Variants in LAMA2 observed in about 807,000 individuals in gnomAD.
LAMA2 encodes the protein laminin subunit alpha-2.
LAMA2 carries 269 observed loss-of-function variants against 364.8 expected under a neutral mutation model. That is an observed-to-expected ratio of 0.74 (90% CI 0.67 to 0.82). The LOEUF (loss-of-function observed/expected upper bound fraction) is 0.82. Ranked by LOEUF, LAMA2 falls within the 40% of genes least tolerant of loss-of-function variation. The pLI is 0.00. For missense variants in LAMA2, 3,807 were observed against 3,873.2 expected, an observed-to-expected ratio of 0.98 and a Z score of 0.45; for synonymous variants, 1,379 against 1,370.6, an observed-to-expected ratio of 1.01 and a Z score of -0.14.
At chr6:129,166,103 A>T (rs1430571855) in intron 9 of LAMA2, among the ~76,000 whole-genome samples, 1 of 152,234 alleles carries the variant, frequency 6.6e-6, no homozygotes, top group Non-Finnish European at 1.5e-5. Context: ...GAACTCACAC[A>T]CTGAGATGTA....
chr6:128,918,020 T>A (rs578169681), intron 1 of LAMA2, among the ~76,000 whole-genome samples: 26 of 152,210 alleles, frequency 1.7e-4, no homozygotes, highest in African/African-American at 6.0e-4. Flanking sequence ...CATGAGCCAC[T>A]GCACCTGGCT....
chr6:129,271,173 G>A (rs1056395509), intron 17 of LAMA2, among the ~76,000 whole-genome samples: 3 of 151,982 alleles, frequency 2.0e-5, no homozygotes, highest in Admixed American at 1.3e-4. Flanking sequence ...TGGGCAAGTC[G>A]TAAACCTCTC....
intron 4 of LAMA2, among the ~76,000 whole-genome samples, chr6:129,131,690 A>C (rs112440345): frequency 5.3e-5 from 8 of 152,228 alleles, no homozygotes; most frequent in Non-Finnish European, 1.2e-4. Flanking sequence ...GATGATTAGG[A>C]TCCAACTCTG....
At chr6:129,192,043 A>T (rs185990368) in intron 11 of LAMA2, among the ~76,000 whole-genome samples, 52 of 152,336 alleles carry the variant, frequency 3.4e-4, no homozygotes, top group African/African-American at 1.3e-3. Context: ...TCCCCACAGC[A>T]CTTCTGACCC....
intron 1 of LAMA2, among the ~76,000 whole-genome samples, chr6:128,986,637 A>G (rs1016098477): frequency 1.3e-5 from 2 of 152,126 alleles, no homozygotes; most frequent in Admixed American, 1.3e-4. Flanking sequence ...ATCATATACA[A>G]CATAGTGGCT....
chr6:129,074,831 T>C (rs1773529526), intron 3 of LAMA2, among the ~76,000 whole-genome samples: 1 of 152,196 alleles, frequency 6.6e-6, no homozygotes, highest in African/African-American at 2.4e-5. Flanking sequence ...GAAATTGGCA[T>C]ATAAAGTAGG....
At chr6:129,440,696 C>A (rs1181905844) in intron 42 of LAMA2, 120 bp from the exon 43 acceptor site, 3 of 883,976 alleles carry the variant, frequency 3.4e-6, no homozygotes, top group East Asian at 4.9e-5. Flanking sequence ...CAAAGTTCAG[C>A]CTTTTCCCTT....
chr6:128,986,593 CTATA>C (rs75953785), intron 1 of LAMA2, among the ~76,000 whole-genome samples: 58 of 152,116 alleles, frequency 3.8e-4, no homozygotes, highest in Non-Finnish European at 7.1e-4. Context: ...TCATAGCTCT[CTATA>C]TATCATTTCA....
At chr6:129,211,923 TA>T (rs943290187) in intron 12 of LAMA2, among the ~76,000 whole-genome samples, 196 of 152,308 alleles carry the variant, frequency 1.3e-3, no homozygotes, top group African/African-American at 4.6e-3. Context: ...CTTAGGAACT[TA>T]ATAATTCTTT....
intron 35 of LAMA2, among the ~76,000 whole-genome samples, chr6:129,384,450 A>G (rs1199637410): frequency 6.6e-6 from 1 of 152,144 alleles, no homozygotes; most frequent in Non-Finnish European, 1.5e-5. Flanking sequence ...CTGGGGACTC[A>G]TTTTCAATTT....
Position 129,486,634 on chromosome 6 carries a change from A to T in LAMA2, c.7898+12A>T. The T allele has an allele frequency of 6.2e-7, 1 of 1,611,050 alleles. No homozygotes were observed. The highest frequency in any genetic ancestry group is 8.5e-7 in the Non-Finnish European group (1 of 1,177,320). ...GAGCGAACTAGAGGGTAACAATAGC[A>T]CTAAAATATTTATTATTGTAACTCA... On this transcript the variant is annotated intron_variant, in intron 56 of 64. Transcript: ENST00000421865.
intron 39 of LAMA2, 121 bp downstream of exon 39, chr6:129,402,608 CT>C (rs1780045573): frequency 1.2e-5 from 12 of 982,170 alleles, no homozygotes; most frequent in Middle Eastern, 2.2e-4. Flanking sequence ...AACACACTAG[CT>C]ATATGGCCTT....
At chr6:129,302,976 G>A (rs930832600) in intron 22 of LAMA2, among the ~76,000 whole-genome samples, 1 of 151,898 alleles carries the variant, frequency 6.6e-6, no homozygotes, top group Non-Finnish European at 1.5e-5. Context: ...AATTTAGCAT[G>A]TCAATTCTTT....
chr6:129,082,603 A>C (rs552192310), intron 3 of LAMA2, among the ~76,000 whole-genome samples: 1 of 152,242 alleles, frequency 6.6e-6, no homozygotes, highest in African/African-American at 2.4e-5. Context: ...TGAGACTCTA[A>C]TTTATTCACA....
rs142217106 is a variant in LAMA2 at position 129,335,628 on chromosome 6, A to T, written c.4312-6715A>T. Reference sequence around the variant, plus strand: ...TCATTGCTGTTGCCTGAAACATTTAACCAATTACCTCTATCTTCAGTAAAT... The same window carrying T: ...TCATTGCTGTTGCCTGAAACATTTATCCAATTACCTCTATCTTCAGTAAAT... On this transcript the variant is annotated intron_variant, in intron 29 of 64. Transcript: ENST00000421865. 4.5e-3 allele frequency among the ~76,000 whole-genome samples: 689 copies of T among 152,280 alleles called. 3 individuals carry two copies. The highest frequency in any genetic ancestry group is 0.015 in the African/African-American group (637 of 41,544).
chr6:129,456,358 C>A lies in LAMA2; in HGVS notation c.6731C>A (p.Ser2244Tyr). Residue 2244 changes from serine to tyrosine, a missense_variant, in exon 48 of 65, where the codon TCT (serine) becomes TAT (tyrosine). By Grantham distance (144) the Ser-to-Tyr change is moderately radical. Around this residue, in one of 3 missense-constraint regions of LAMA2, gnomAD observed 3,333 missense variants for 3,345.7 expected, o/e 1.00. Transcript: ENST00000421865. ...AGAACTGGGAGAAATGGAACTATTT[C>A]TGTGAGAGCCCTGGATGGACCCAAA... Reference protein sequence around the residue: ...ASRTGRNGTISVRALDGPKAS... With the variant: ...ASRTGRNGTIYVRALDGPKAS... 6 of 1,613,596 alleles carry A rather than the reference C, an allele frequency of 3.7e-6. No individual in the cohort carries two copies. Among genetic ancestry groups the A allele is most frequent in the Non-Finnish European group, 5.1e-6 (6 of 1,179,648 alleles).
At chr6:129,033,839 T>C (rs1786410483) in intron 1 of LAMA2, among the ~76,000 whole-genome samples, 1 of 151,694 alleles carries the variant, frequency 6.6e-6, no homozygotes, top group African/African-American at 2.4e-5. Flanking sequence ...ACCCCCTCTA[T>C]GAATATTTTG....
intron 49 of LAMA2, among the ~76,000 whole-genome samples, chr6:129,462,777 TCA>T (rs1783324957): frequency 6.6e-6 from 1 of 151,904 alleles, no homozygotes; most frequent in Non-Finnish European, 1.5e-5. Flanking sequence ...TTTGTTGCTT[TCA>T]GGAAAACACT....
At chr6:129,418,096 T>C (rs1363755755) in intron 40 of LAMA2, among the ~76,000 whole-genome samples, 4 of 152,156 alleles carry the variant, frequency 2.6e-5, no homozygotes, top group African/African-American at 9.7e-5. Flanking sequence ...AGGCTGACAC[T>C]GCCATTACTG....
Sources: gnomAD v4.1 joint callset for allele counts (sites outside exome capture counted in the v4.1 genomes callset) on GRCh38, gnomAD v4.1.1 for gene constraint, gnomAD v4.1.1 regional missense constraint, MANE v1.5 for transcripts, NCBI Gene and HGNC (gene_info 2026-07-23, HGNC 2026-07-21) for gene names.